The following SLC27A4 variants were observed in gnomAD, a reference collection of about 807,000 sequenced individuals.
SLC27A4 encodes the protein solute carrier family 27 member 4.
A neutral mutation model predicts 64.4 loss-of-function variants in SLC27A4; 33 were observed. That is an observed-to-expected ratio of 0.51 (90% CI 0.39 to 0.68). The LOEUF (loss-of-function observed/expected upper bound fraction) is 0.68, where lower values mean the gene tolerates loss of function less well. Ranked by LOEUF, SLC27A4 falls within the 30% of genes least tolerant of loss-of-function variation. The pLI is 0.00. For synonymous variants in SLC27A4, 377 were observed against 370.0 expected (o/e 1.02, Z -0.22); for missense variants, 824 against 883.5 (o/e 0.93, Z 0.85).
At chr9:128,356,720 T>C (rs534727170) in intron 12 of SLC27A4, among the ~76,000 whole-genome samples, 1 of 149,698 alleles carries the variant, frequency 6.7e-6, no homozygotes, top group South Asian at 2.1e-4. Flanking sequence ...GGTGGGCGGA[T>C]CATTTGAGGT....
At position 128,340,724 on chromosome 9, in the gene SLC27A4, C is replaced by A. The variant is rs1339669460; in HGVS notation, c.-121C>A. 4 of 621,320 alleles carry A rather than the reference C, an allele frequency of 6.4e-6. No homozygotes were observed. Among genetic ancestry groups the A allele is most frequent in the African/African-American group, 1.9e-5 (1 of 52,138 alleles). 38.5% of individuals were successfully genotyped at this position (621,320 alleles called of 1,614,324 possible). ...CATGCAGGGCGCAGAGCCGGCTAAA[C>A]CCTGCTGAGACCCGGCTCCGTGCGT... is the stretch of plus-strand genomic sequence containing the variant. On this transcript the variant is annotated 5_prime_UTR_variant, in exon 1 of 13. Transcript: ENST00000300456.
chr9:128,340,748 G>T lies in SLC27A4; in HGVS notation c.-97G>T, dbSNP rs1265731892. ...ACCCTGCTGAGACCCGGCTCCGTGCGTCCAGGGGCGGCTAATGCCCCTCAC... is the reference window on the plus strand; with the variant it reads ...ACCCTGCTGAGACCCGGCTCCGTGCTTCCAGGGGCGGCTAATGCCCCTCAC... On this transcript the variant is annotated 5_prime_UTR_variant, in exon 1 of 13. Coordinates refer to ENST00000300456, the MANE Select transcript of SLC27A4 (RefSeq NM_005094.4). The T allele has an allele frequency of 1.5e-6, 1 of 660,068 alleles. No homozygotes were observed. The highest frequency in any genetic ancestry group is 2.8e-6 in the Non-Finnish European group (1 of 358,114). The allele number at this position is 660,068 out of a possible 1,614,324, so 40.9% of individuals were successfully genotyped here.
chr9:128,355,137 A>G lies in SLC27A4; in HGVS notation c.1409A>G (p.Asn470Ser), dbSNP rs1366339307. The change falls in exon 10 of 13, where the codon AAC becomes AGC. Residue 470 changes from asparagine (N) to serine (S), a missense_variant. Physicochemically the swap from Asn to Ser is conservative, Grantham distance 46. Coordinates refer to ENST00000300456, the MANE Select transcript of SLC27A4 (RefSeq NM_005094.4). ...FDGYLNQGANNKKIAKDVFKK... is the reference protein window; with the variant it reads ...FDGYLNQGANSKKIAKDVFKK... ...GGCTACCTCAACCAGGGCGCCAACA[A>G]CAAGAAGATTGCCAAGGATGTCTTC... 6.2e-7 allele frequency: 1 copy of G among 1,613,714 alleles called. No individual in the cohort carries two copies. The highest frequency in any genetic ancestry group is 8.5e-7 in the Non-Finnish European group (1 of 1,179,850).
At position 128,345,564 on chromosome 9, in the gene SLC27A4, G is replaced by A. The variant is rs151185815; in HGVS notation, c.556+15G>A. ...AATGGCCTCAGGTGAGCCCCAAGGG[G>A]GCGGGGGACAAGCAGGAACCCCATG... On this transcript the variant is annotated intron_variant, in intron 3 of 12. Transcript: ENST00000300456. The surrounding 1 kb of genome is among the most constrained non-coding windows in gnomAD (Gnocchi z 4.1). 2.5e-6 allele frequency: 4 copies of A among 1,593,812 alleles called. No homozygotes were observed. Among genetic ancestry groups the A allele is most frequent in the Middle Eastern group, 1.8e-4 (1 of 5,416 alleles).
chr9:128,342,205 G>A (rs750749281), intron 1 of SLC27A4: 135 of 1,581,988 alleles, frequency 8.5e-5, no homozygotes, highest in Non-Finnish European at 1.1e-4. Context: ...GTTCTCGCAT[G>A]CCTCGCTCCG....
rs1832773730 is a variant in SLC27A4, at chr9:128,353,739, C to G, written c.1324+198C>G. 6.7e-6 allele frequency among the ~76,000 whole-genome samples: 1 copy of G among 150,314 alleles called. No homozygotes were observed. The highest frequency in any genetic ancestry group is 1.5e-5 in the Non-Finnish European group (1 of 67,828). On this transcript the variant is annotated intron_variant, in intron 9 of 12. Coordinates refer to ENST00000300456, the MANE Select transcript of SLC27A4 (RefSeq NM_005094.4). The surrounding 1 kb of genome is among the most constrained non-coding windows in gnomAD (Gnocchi z 4.9). ...CTATCTGTACATCAGTCCATTCATTCATTCTTTTTTTTTTTTTTATTTGAG... is the reference window on the plus strand; with the variant it reads ...CTATCTGTACATCAGTCCATTCATTGATTCTTTTTTTTTTTTTTATTTGAG...
In SLC27A4 at chr9:128,355,541, G is replaced by C. The variant is rs540906829; in HGVS notation, c.1606G>C (p.Val536Leu). Residue 536 changes from valine to leucine, a missense_variant, in exon 11 of 13, where the codon GTG becomes CTG. Physicochemically the swap from Val to Leu is conservative, Grantham distance 32. Transcript: ENST00000300456. ...CCTGCTGGACATGGCTGACGTGGCC[G>C]TGTATGGTGTCGAGGTGCCAGGTAT... ...SRLLDMADVA[V>L]YGVEVPGTEG... The C allele has an allele frequency of 6.2e-7, 1 of 1,611,706 alleles. No homozygotes were observed. The highest frequency in any genetic ancestry group is 1.7e-5 in the Admixed American group (1 of 60,028).
chr9:128,346,525 C>T (rs931835976), intron 3 of SLC27A4, among the ~76,000 whole-genome samples: 4 of 151,942 alleles, frequency 2.6e-5, no homozygotes, highest in East Asian at 2.0e-4. Flanking sequence ...TGAGCCACCA[C>T]GCCCGGCCTA....
In SLC27A4 at chr9:128,353,221, A is replaced by G; in HGVS notation, c.1184A>G (p.Asn395Ser). 6.2e-7 allele frequency: 1 copy of G among 1,614,042 alleles called. No individual in the cohort carries two copies. Among genetic ancestry groups the G allele is most frequent in the South Asian group, 1.1e-5 (1 of 91,078 alleles). The stretch of plus-strand genomic sequence containing the variant: ...ACAGAGTGCAACTGTAGCCTGGGCA[A>G]CTTCGACAGCCAGGTGCGGCCAGGT... ...GATECNCSLG[N>S]FDSQVGACGF... The change falls in exon 8 of 13, where the codon AAC (asparagine) becomes AGC (serine). Residue 395 changes from asparagine (N) to serine (S), a missense_variant. Coordinates refer to ENST00000300456, the MANE Select transcript of SLC27A4 (RefSeq NM_005094.4). The surrounding 1 kb of genome is among the most constrained non-coding windows in gnomAD (Gnocchi z 4.9).
At chr9:128,352,788 G>T (rs368573714) in intron 7 of SLC27A4, 41 bp downstream of exon 7, 1 of 1,467,486 alleles carries the variant, frequency 6.8e-7, no homozygotes, top group Admixed American at 1.7e-5. Flanking sequence ...CTTTCCCCTA[G>T]TTACCCTCTT....
At position 128,340,793 on chromosome 9, in the gene SLC27A4, C is replaced by T. The variant is rs1355810100; in HGVS notation, c.-52C>T. On this transcript the variant is annotated 5_prime_UTR_variant, in exon 1 of 13. Transcript: ENST00000300456. ...CCTCACGCTGTCTACGCTGCTGCAA[C>T]CGGGCCGCATCTGGACGGGGCGCCG... is the stretch of plus-strand genomic sequence containing the variant. 1.5e-6 allele frequency: 1 copy of T among 689,340 alleles called. No homozygotes were observed. The highest frequency in any genetic ancestry group is 3.7e-4 in the Middle Eastern group (1 of 2,714). The allele number at this position is 689,340 out of a possible 1,614,324, so 42.7% of individuals were successfully genotyped here. A position where few individuals can be genotyped will look rare whatever the true frequency, so the allele number is the denominator to read the frequency against.
chr9:128,350,443 T>A, intron 5 of SLC27A4, 41 bp from the exon 6 acceptor site: 1 of 1,612,600 alleles, frequency 6.2e-7, no homozygotes, highest in South Asian at 1.1e-5. Context: ...TCCTTCTGCC[T>A]TTCTAGGGCC....
At position 128,355,444 on chromosome 9, in the gene SLC27A4, C is replaced by T; in HGVS notation, c.1509C>T (p.Asp503=). ...MDELGYLYFR[D]RTGDTFRWKG... is the part of the protein sequence containing the mutation. The stretch of plus-strand genomic sequence containing the variant: ...AGCTGGGCTACCTGTACTTCCGAGA[C>T]CGCACTGGGGACACGTTCCGCTGGA... The change falls in exon 11 of 13, where the codon GAC becomes GAT. Residue 503 remains aspartate (D), a synonymous_variant. Transcript: ENST00000300456. 4 of 1,613,712 alleles carry T rather than the reference C, an allele frequency of 2.5e-6. No individual in the cohort carries two copies. The highest frequency in any genetic ancestry group is 1.1e-5 in the South Asian group (1 of 91,086).
chr9:128,359,362 G>A (rs1204924686), intron 12 of SLC27A4, among the ~76,000 whole-genome samples: 5 of 151,902 alleles, frequency 3.3e-5, no homozygotes, highest in Non-Finnish European at 7.4e-5. Flanking sequence ...AGTGGCCCAC[G>A]CCTGTAATCC....
At chr9:128,352,588 G>A in intron 6 of SLC27A4, 50 bp from the exon 7 acceptor site, 2 of 1,418,876 alleles carry the variant, frequency 1.4e-6, no homozygotes, top group Non-Finnish European at 2.0e-6. Flanking sequence ...TTTGGGGCCG[G>A]GGAGGGTCTT....
intron 12 of SLC27A4, among the ~76,000 whole-genome samples, chr9:128,359,826 A>G (rs566996718): frequency 8.9e-4 from 136 of 152,296 alleles, no homozygotes; most frequent in South Asian, 1.9e-3. Flanking sequence ...AAAAAATACC[A>G]TGAATTTTTT....
chr9:128,344,744 G>T (rs531949961), intron 2 of SLC27A4, among the ~76,000 whole-genome samples: 1 of 152,248 alleles, frequency 6.6e-6, no homozygotes, highest in East Asian at 1.9e-4. Context: ...GCTGGACTGT[G>T]GGAGGCCCCA....
rs201575519 is a variant in SLC27A4 at position 128,355,688 on chromosome 9, C to G, written c.1666C>G (p.Pro556Ala). Residue 556 changes from proline (P) to alanine (A), a missense_variant, in exon 12 of 13, where the codon CCC (proline) becomes GCC (alanine). Coordinates refer to ENST00000300456, the MANE Select transcript of SLC27A4 (RefSeq NM_005094.4). ...GGCCGGAATGGCTGCTGTGGCCAGC[C>G]CCACTGGCAACTGTGACCTGGAGCG... is the stretch of plus-strand genomic sequence containing the variant. ...GRAGMAAVAS[P>A]TGNCDLERFA... The G allele has an allele frequency of 1.9e-6, 3 of 1,612,778 alleles. No individual in the cohort carries two copies. The highest frequency in any genetic ancestry group is 1.3e-5 in the African/African-American group (1 of 75,056).
Position 128,348,621 on chromosome 9 carries a change from G to A in SLC27A4, c.633G>A (p.Val211=). ...FCSGSWEPGA[V]PPSTEHLDPL... ...CTGGCTCCTGGGAGCCCGGTGCGGTGCCTCCAAGCACAGAACACCTGGACC... is the reference window on the plus strand; with the variant it reads ...CTGGCTCCTGGGAGCCCGGTGCGGTACCTCCAAGCACAGAACACCTGGACC... Residue 211 remains valine (V), a synonymous_variant, in exon 4 of 13, where the codon GTG becomes GTA. Transcript: ENST00000300456. 3 of 1,613,894 alleles carry A rather than the reference G, an allele frequency of 1.9e-6. No individual in the cohort carries two copies. Among genetic ancestry groups the A allele is most frequent in the Non-Finnish European group, 8.5e-7 (1 of 1,180,028 alleles).
Sources: allele counts gnomAD v4.1 joint callset (sites outside exome capture counted in the v4.1 genomes callset), GRCh38; gene constraint gnomAD v4.1.1; non-coding constraint Gnocchi (gnomAD v3.1); transcripts MANE v1.5; gene names NCBI Gene and HGNC (gene_info 2026-07-23, HGNC 2026-07-21).